MAP2K4: variants seen among roughly 807,000 people sequenced by gnomAD.
The protein encoded by MAP2K4 is dual specificity mitogen-activated protein kinase kinase 4.
Under a neutral mutation model 48.5 loss-of-function variants are expected in MAP2K4, and 4 were observed. The observed-to-expected ratio is 0.08, with a 90% CI of 0.04 to 0.19. MAP2K4 has a LOEUF of 0.19. Among genes scored for constraint, MAP2K4 ranks in the 10% least tolerant of loss-of-function variants. The pLI, the probability that MAP2K4 is intolerant of heterozygous loss-of-function variation, is 1.00. For missense variants in MAP2K4, 258 were observed against 493.3 expected, an observed-to-expected ratio of 0.52 and a Z score of 4.52; for synonymous variants, 166 against 173.1, an observed-to-expected ratio of 0.96 and a Z score of 0.32.
At chr17:12,110,506 T>C (rs1356950226) in intron 6 of MAP2K4, 80 bp downstream of exon 6, 8 of 995,172 alleles carry the variant, frequency 8.0e-6, no homozygotes, top group Non-Finnish European at 1.3e-5. Context: ...AAAATTACAG[T>C]GTCACTGTAT....
At chr17:12,041,533 G>C (rs956637784) in intron 1 of MAP2K4, among the ~76,000 whole-genome samples, 1 of 152,186 alleles carries the variant, frequency 6.6e-6, no homozygotes, top group Non-Finnish European at 1.5e-5. Flanking sequence ...TTCAAAGCCA[G>C]AAGATGTCTG....
At chr17:12,034,763 G>A (rs1952245994) in intron 1 of MAP2K4, among the ~76,000 whole-genome samples, 1 of 152,204 alleles carries the variant, frequency 6.6e-6, no homozygotes, top group South Asian at 2.1e-4. Flanking sequence ...GAGTGGATCT[G>A]TCCTGGTCAC....
In MAP2K4 at chr17:12,035,086, T is replaced by C. The variant is rs796175594; in HGVS notation, c.115+14085T>C. Among the ~76,000 whole-genome samples, 3 of 152,252 alleles carry C rather than the reference T, an allele frequency of 2.0e-5. No individual in the cohort carries two copies. The South Asian group carries it at 6.2e-4, about 31-fold the overall frequency. ...CTCAGTTGCTTACATATATTAGCAC[T>C]TCTTCTAAATCTGGTCCTGTGATTT... On this transcript the variant is annotated intron_variant, in intron 1 of 10. Transcript: ENST00000353533.
chr17:12,061,529 A>T (rs547023344), intron 2 of MAP2K4, among the ~76,000 whole-genome samples: 9 of 152,188 alleles, frequency 5.9e-5, no homozygotes, highest in Non-Finnish European at 1.2e-4. Flanking sequence ...CTGGATGTTT[A>T]TAGCTGAGGT....
chr17:12,049,152 A>T lies in MAP2K4; in HGVS notation c.116-5737A>T, dbSNP rs182910149. On this transcript the variant is annotated intron_variant, in intron 1 of 10. Transcript: ENST00000353533. ...AACCAGTGATTGCAGATAATTAAAA[A>T]ATTATTCCAGGTAATCTTTCTGTTT... Among the ~76,000 whole-genome samples, 54 of 152,338 alleles carry T rather than the reference A, an allele frequency of 3.5e-4. 1 individual carries two copies. Among genetic ancestry groups the T allele is most frequent in the Middle Eastern group, 3.4e-3 (1 of 294 alleles).
At chr17:12,104,826 A>G (rs543531099) in intron 4 of MAP2K4, among the ~76,000 whole-genome samples, 4 of 152,242 alleles carry the variant, frequency 2.6e-5, no homozygotes, top group African/African-American at 7.2e-5. Context: ...TTTCCTATAT[A>G]AAAGTCATGG....
chr17:12,141,451 A>G lies in MAP2K4; in HGVS notation c.*191A>G. On this transcript the variant is annotated 3_prime_UTR_variant, in exon 11 of 11. Transcript: ENST00000353533. ...ATCCTTGTAATACCTGATTGATCAC[A>G]CAGTGTTAGTGCTGGTCAGAGAGAC... 1.6e-6 allele frequency: 1 copy of G among 607,000 alleles called. No individual in the cohort carries two copies. Among genetic ancestry groups the G allele is most frequent in the South Asian group, 1.9e-5 (1 of 51,348 alleles). 37.6% of individuals were successfully genotyped at this position (607,000 alleles called of 1,614,324 possible).
chr17:12,116,450 C>T (rs1972495478), intron 7 of MAP2K4, among the ~76,000 whole-genome samples: 1 of 152,030 alleles, frequency 6.6e-6, no homozygotes, highest in Non-Finnish European at 1.5e-5. Flanking sequence ...ATAAATTAAC[C>T]TGAGTGTACT....
intron 5 of MAP2K4, among the ~76,000 whole-genome samples, chr17:12,108,481 G>C (rs745504734): frequency 2.6e-5 from 4 of 152,046 alleles, no homozygotes; most frequent in Non-Finnish European, 4.4e-5. Flanking sequence ...TACCAAAAAA[G>C]AAAATAGCTA....
intron 1 of MAP2K4, among the ~76,000 whole-genome samples, chr17:12,028,193 T>G (rs1196825221): frequency 6.6e-6 from 1 of 152,202 alleles, no homozygotes; most frequent in Non-Finnish European, 1.5e-5. Flanking sequence ...GAAGGTAATG[T>G]GGCATTTAAT....
rs117332115 is a variant in MAP2K4, at chr17:12,122,764, A to G, written c.814-2530A>G. 5.9e-3 allele frequency among the ~76,000 whole-genome samples: 888 copies of G among 151,726 alleles called. 4 individuals carry two copies. The highest frequency in any genetic ancestry group is 0.011 in the Non-Finnish European group (732 of 67,886). On this transcript the variant is annotated intron_variant, in intron 7 of 10. Transcript: ENST00000353533. ...TATTTCACCAGTAAGTATAATGTTA[A>G]CTCTTGGTTATTTTAGATGCCCTTT...
At chr17:12,050,899 C>T (rs865830758) in intron 1 of MAP2K4, among the ~76,000 whole-genome samples, 13 of 152,120 alleles carry the variant, frequency 8.5e-5, no homozygotes, top group Non-Finnish European at 1.8e-4. Context: ...GATTACAGTT[C>T]TTAATATTCT....
At chr17:12,107,943 A>G (rs367933125) in intron 5 of MAP2K4, 34 bp downstream of exon 5, 21 of 1,482,318 alleles carry the variant, frequency 1.4e-5, no homozygotes, top group South Asian at 5.6e-5. Context: ...TTCATTGTGT[A>G]TATAGTTATA....
intron 4 of MAP2K4, among the ~76,000 whole-genome samples, chr17:12,104,211 C>T (rs1432045106): frequency 1.3e-5 from 2 of 152,144 alleles, no homozygotes; most frequent in East Asian, 1.9e-4. Flanking sequence ...CACATTGGCT[C>T]CTAGAGTTCA....
At chr17:12,101,151 A>G (rs1383420583) in intron 4 of MAP2K4, among the ~76,000 whole-genome samples, 1 of 152,110 alleles carries the variant, frequency 6.6e-6, no homozygotes, top group Non-Finnish European at 1.5e-5. Flanking sequence ...ACTTAAGATT[A>G]TCTCTTATGT....
intron 3 of MAP2K4, among the ~76,000 whole-genome samples, chr17:12,094,692 C>T (rs1971673590): frequency 1.3e-5 from 2 of 151,776 alleles, no homozygotes; most frequent in African/African-American, 4.8e-5. Context: ...CTCCCAACAC[C>T]TCTGTGTTCT....
intron 1 of MAP2K4, among the ~76,000 whole-genome samples, chr17:12,027,130 C>T (rs972860176): frequency 1.3e-5 from 2 of 152,162 alleles, no homozygotes; most frequent in Admixed American, 1.3e-4. Context: ...TCTAGAAAAT[C>T]TTCAGGTGTC....
At chr17:12,043,160 T>G (rs939829332) in intron 1 of MAP2K4, among the ~76,000 whole-genome samples, 1 of 152,250 alleles carries the variant, frequency 6.6e-6, no homozygotes, top group African/African-American at 2.4e-5. Flanking sequence ...ACTATTGATA[T>G]ATGATGGAGA....
intron 9 of MAP2K4, among the ~76,000 whole-genome samples, chr17:12,139,468 C>G (rs1438181854): frequency 6.6e-6 from 1 of 152,146 alleles, no homozygotes; most frequent in African/African-American, 2.4e-5. Flanking sequence ...GCATAAATAT[C>G]TGTCTACTTA....
Sources: gnomAD v4.1 joint callset for allele counts (sites outside exome capture counted in the v4.1 genomes callset) on GRCh38, gnomAD v4.1.1 for gene constraint, MANE v1.5 for transcripts, NCBI Gene and HGNC (gene_info 2026-07-23, HGNC 2026-07-21) for gene names.